The following BOC variants were observed in gnomAD, a reference collection of about 807,000 sequenced individuals.
The protein encoded by BOC is BOC cell adhesion associated, oncogene regulated.
BOC carries 76 observed loss-of-function variants against 112.0 expected under a neutral mutation model. The observed-to-expected ratio is 0.68, with a 90% CI of 0.56 to 0.82. The LOEUF (loss-of-function observed/expected upper bound fraction) is 0.82. Ranked by LOEUF, BOC falls within the 40% of genes least tolerant of loss-of-function variation. The probability of loss-of-function intolerance (pLI) is 0.00; values close to 1 mark genes in which losing one functional copy is unlikely to be tolerated. For missense variants in BOC, 1,309 were observed against 1,511.7 expected, an observed-to-expected ratio of 0.87 and a Z score of 2.22; for synonymous variants, 580 against 599.8, an observed-to-expected ratio of 0.97 and a Z score of 0.48.
At chr3:113,257,919 G>A (rs781771294) in intron 4 of BOC, among the ~76,000 whole-genome samples, 3 of 152,188 alleles carry the variant, frequency 2.0e-5, no homozygotes, top group Non-Finnish European at 2.9e-5. Context: ...GGAACATTTA[G>A]AATTTCTAAC....
chr3:113,283,378 A>G (rs1576510752), intron 15 of BOC, 33 bp from the exon 16 acceptor site: 1 of 1,544,546 alleles, frequency 6.5e-7, no homozygotes. Flanking sequence ...TCAAAGAAAC[A>G]TATGCTGAAG....
At chr3:113,265,208 A>C (rs1947337944) in intron 4 of BOC, among the ~76,000 whole-genome samples, 1 of 152,250 alleles carries the variant, frequency 6.6e-6, no homozygotes, top group Admixed American at 6.5e-5. Flanking sequence ...TACAATGGGC[A>C]GGAGCCTGGG....
chr3:113,270,956 G>T lies in BOC; in HGVS notation c.667+12G>T, dbSNP rs557399738. 29 of 1,614,048 alleles carry T rather than the reference G, an allele frequency of 1.8e-5. No homozygotes were observed. In the East Asian group the frequency reaches 6.2e-4, roughly 35 times the overall value. On this transcript the variant is annotated intron_variant, in intron 6 of 19. Coordinates refer to ENST00000682979, the MANE Select transcript of BOC (RefSeq NM_001378074.1). ...GCTACGTGTGCGCCGTAAGGCCCGG[G>T]CCCACCTGCTGGGGGATGGGGGATC...
intron 19 of BOC, 116 bp downstream of exon 19, chr3:113,285,681 AGCATT>A: frequency 9.4e-7 from 1 of 1,067,090 alleles, no homozygotes; most frequent in Non-Finnish European, 1.3e-6. Flanking sequence ...AGCCAGCCAC[AGCATT>A]TATGTGGGAG....
intron 4 of BOC, among the ~76,000 whole-genome samples, chr3:113,259,218 C>A (rs1332206652): frequency 6.6e-6 from 1 of 152,330 alleles, no homozygotes; most frequent in Admixed American, 6.5e-5. Flanking sequence ...GCATCTTCTA[C>A]CAAGGACACC....
rs765251861 is a variant in BOC at position 113,273,328 on chromosome 3, G to A, written c.1221G>A (p.Arg407=). 6.3e-7 allele frequency: 1 copy of A among 1,591,718 alleles called. No individual in the cohort carries two copies. Among genetic ancestry groups the A allele is most frequent in the South Asian group, 1.1e-5 (1 of 90,412 alleles). Residue 407 remains arginine, a synonymous_variant, in exon 8 of 20, where the codon CGG becomes CGA. Coordinates refer to ENST00000682979, the MANE Select transcript of BOC (RefSeq NM_001378074.1). The part of the protein sequence containing the change: ...VGSAHAVVQL[R]TSRPSITPRL... The stretch of plus-strand genomic sequence containing the variant: ...GCGCCCATGCCGTAGTCCAGCTGCG[G>A]ACCTCCAGGCCAAGTGAGTGTAGCC...
At chr3:113,242,484 T>C (rs1319324177) in intron 2 of BOC, among the ~76,000 whole-genome samples, 2 of 152,106 alleles carry the variant, frequency 1.3e-5, no homozygotes, top group East Asian at 3.9e-4. Context: ...AGATAAGACC[T>C]CTTCTCCTTG....
intron 9 of BOC, among the ~76,000 whole-genome samples, chr3:113,275,478 G>C (rs183296172): frequency 9.8e-4 from 150 of 152,312 alleles, no homozygotes; most frequent in Admixed American, 9.6e-3. Context: ...ACAGGGATGA[G>C]GACATGAAAT....
At chr3:113,271,233 G>A (rs1486706881) in intron 6 of BOC, 1 of 591,068 alleles carries the variant, frequency 1.7e-6, no homozygotes, top group East Asian at 3.7e-5. Flanking sequence ...GGGTCAGAAT[G>A]TGTGTGCTGG....
intron 4 of BOC, among the ~76,000 whole-genome samples, chr3:113,264,531 T>C (rs1204603214): frequency 6.6e-6 from 1 of 152,176 alleles, no homozygotes; most frequent in Non-Finnish European, 1.5e-5. Context: ...AAACCAGCTT[T>C]GCAGACAAAG....
chr3:113,246,941 G>A (rs557475000), intron 2 of BOC, among the ~76,000 whole-genome samples: 119 of 152,244 alleles, frequency 7.8e-4, no homozygotes, highest in African/African-American at 2.6e-3. Context: ...ATAAATTACC[G>A]AGGGTGCAGA....
chr3:113,225,272 A>C (rs1434283159), intron 2 of BOC, among the ~76,000 whole-genome samples: 1 of 118,908 alleles, frequency 8.4e-6, no homozygotes, highest in African/African-American at 3.3e-5. Flanking sequence ...AGACCTTGTC[A>C]AAAAAAAAAA....
intron 2 of BOC, among the ~76,000 whole-genome samples, chr3:113,238,760 GA>G (rs1350151539): frequency 1.3e-5 from 2 of 152,204 alleles, no homozygotes; most frequent in Admixed American, 6.5e-5. Flanking sequence ...CCTAATCTAT[GA>G]AATGGGTTGA....
intron 4 of BOC, among the ~76,000 whole-genome samples, chr3:113,267,025 G>A (rs1290737819): frequency 6.6e-6 from 1 of 152,214 alleles, no homozygotes; most frequent in East Asian, 1.9e-4. Context: ...GCAGAGGCAG[G>A]TGCAGTCTTG....
intron 4 of BOC, among the ~76,000 whole-genome samples, chr3:113,254,996 C>T (rs1387827544): frequency 6.6e-6 from 1 of 152,196 alleles, no homozygotes; most frequent in Admixed American, 6.5e-5. Context: ...CTCTCCCTCC[C>T]TCCACCCCAG....
At chr3:113,251,884 C>T (rs2107423888) in intron 4 of BOC, 1 of 152,306 alleles carries the variant, frequency 6.6e-6, no homozygotes, top group South Asian at 2.1e-4. Flanking sequence ...TTGACATAGT[C>T]ATAGCTGGAA....
intron 2 of BOC, among the ~76,000 whole-genome samples, chr3:113,227,023 C>T (rs781329664): frequency 6.6e-6 from 1 of 152,192 alleles, no homozygotes; most frequent in African/African-American, 2.4e-5. Context: ...AGAGGTCATA[C>T]TGCCTTGAAC....
At position 113,279,327 on chromosome 3, in the gene BOC, A is replaced by G. The variant is rs1479566153; in HGVS notation, c.1895A>G (p.Asn632Ser). 1.9e-6 allele frequency: 3 copies of G among 1,614,134 alleles called. No homozygotes were observed. The highest frequency in any genetic ancestry group is 2.5e-6 in the Non-Finnish European group (3 of 1,180,002). ...TACGTGACCTGGATTCCCCGTGGGA[A>G]TGGTGGGTTCCCAATCCAGTCCTTC... ...SVYVTWIPRGNGGFPIQSFRV... is the reference protein window; with the variant it reads ...SVYVTWIPRGSGGFPIQSFRV... Residue 632 changes from asparagine to serine, a missense_variant, in exon 12 of 20, where the codon AAT (asparagine) becomes AGT (serine). Transcript: ENST00000682979.
chr3:113,245,238 G>A (rs988908632), intron 2 of BOC, among the ~76,000 whole-genome samples: 1 of 152,100 alleles, frequency 6.6e-6, no homozygotes, highest in Non-Finnish European at 1.5e-5. Flanking sequence ...ACAACCTGAT[G>A]TTTTGATAAG....
Sources: allele counts gnomAD v4.1 joint callset (sites outside exome capture counted in the v4.1 genomes callset), GRCh38; gene constraint gnomAD v4.1.1; transcripts MANE v1.5; gene names NCBI Gene and HGNC (gene_info 2026-07-23, HGNC 2026-07-21).